Variants in TCF7L2 observed in about 807,000 individuals in gnomAD.
The protein encoded by TCF7L2 is transcription factor 7 like 2, also known as transcription factor 7-like 2.
Under a neutral mutation model 77.9 loss-of-function variants are expected in TCF7L2, and 23 were observed. The ratio of observed to expected loss-of-function variants is 0.30; its 90% CI spans 0.21 to 0.42. The LOEUF (loss-of-function observed/expected upper bound fraction) is 0.42, where lower values mean the gene tolerates loss of function less well. Among genes scored for constraint, TCF7L2 ranks in the 10% least tolerant of loss-of-function variants. The probability of loss-of-function intolerance (pLI) is 1.00; values close to 1 mark genes in which losing one functional copy is unlikely to be tolerated. For missense variants in TCF7L2, 654 were observed against 793.1 expected (o/e 0.82, Z 2.11); for synonymous variants, 413 against 340.2 (o/e 1.21, Z -2.36).
chr10:112,998,689 A>G (rs2043939688), intron 4 of TCF7L2, among the ~76,000 whole-genome samples: 1 of 152,208 alleles, frequency 6.6e-6, no homozygotes, highest in Admixed American at 6.5e-5. Flanking sequence ...GATAACTAGG[A>G]AAAGGTTAGA....
chr10:113,130,091 T>C, intron 5 of TCF7L2: 1 of 881,294 alleles, frequency 1.1e-6, no homozygotes, highest in Non-Finnish European at 1.4e-6. Flanking sequence ...CCCCCCTTAA[T>C]TTAGATCATG....
At chr10:113,128,286 A>G (rs1280007079) in intron 5 of TCF7L2, among the ~76,000 whole-genome samples, 1 of 151,902 alleles carries the variant, frequency 6.6e-6, no homozygotes, top group Non-Finnish European at 1.5e-5. Context: ...ATTTTAAAAA[A>G]GAAGAAAAGA....
At chr10:113,090,036 C>T (rs1187609616) in intron 5 of TCF7L2, among the ~76,000 whole-genome samples, 1 of 152,192 alleles carries the variant, frequency 6.6e-6, no homozygotes, top group Non-Finnish European at 1.5e-5. Flanking sequence ...CCTGAGGCAG[C>T]CGTGAATGGC....
intron 5 of TCF7L2, among the ~76,000 whole-genome samples, chr10:113,059,744 A>G (rs963494473): frequency 6.6e-6 from 1 of 152,204 alleles, no homozygotes; most frequent in Non-Finnish European, 1.5e-5. Flanking sequence ...TTTACTGCCC[A>G]AAGCTGGCTC....
At position 113,108,993 on chromosome 10, in the gene TCF7L2, A is replaced by G. The variant is rs147813592; in HGVS notation, c.553-32191A>G. Among the ~76,000 whole-genome samples, 130 of 152,322 alleles carry G rather than the reference A, an allele frequency of 8.5e-4. 1 individual carries two copies. Among genetic ancestry groups the G allele is most frequent in the Middle Eastern group, 3.4e-3 (1 of 294 alleles). ...AGGCTATTGAGGGTTTATCTGTACTAATTGTACCACCATACCTGCCAACTG... is the reference window on the plus strand; with the variant it reads ...AGGCTATTGAGGGTTTATCTGTACTGATTGTACCACCATACCTGCCAACTG... On this transcript the variant is annotated intron_variant, in intron 5 of 13. Coordinates refer to ENST00000627217, the MANE Select transcript of TCF7L2 (RefSeq NM_001146274.2).
chr10:113,085,400 A>C (rs370975247), intron 5 of TCF7L2, among the ~76,000 whole-genome samples: 1 of 151,734 alleles, frequency 6.6e-6, no homozygotes, highest in Non-Finnish European at 1.5e-5. Context: ...CAAAATTCTC[A>C]TCTCTGGAGG....
At chr10:113,098,230 C>CT (rs1473350958) in intron 5 of TCF7L2, among the ~76,000 whole-genome samples, 1 of 151,862 alleles carries the variant, frequency 6.6e-6, no homozygotes, top group Non-Finnish European at 1.5e-5. Flanking sequence ...CTTCTTGGAC[C>CT]TTTCCTGTTT....
At chr10:113,132,548 G>A (rs2136564772) in intron 5 of TCF7L2, among the ~76,000 whole-genome samples, 1 of 152,220 alleles carries the variant, frequency 6.6e-6, no homozygotes, top group South Asian at 2.1e-4. Context: ...GGTGGCGAGG[G>A]GGTGGTCTGG....
chr10:113,069,882 G>A (rs1473479287), intron 5 of TCF7L2, among the ~76,000 whole-genome samples: 5 of 152,122 alleles, frequency 3.3e-5, no homozygotes, highest in Non-Finnish European at 7.3e-5. Flanking sequence ...TTTGGTGAGC[G>A]TAAGATAGCG....
chr10:113,059,270 C>T (rs935350285), intron 5 of TCF7L2, among the ~76,000 whole-genome samples: 11 of 152,168 alleles, frequency 7.2e-5, no homozygotes, highest in Non-Finnish European at 1.2e-4. Context: ...CATATCATTT[C>T]AGAGGAATAT....
intron 5 of TCF7L2, among the ~76,000 whole-genome samples, chr10:113,061,569 G>A (rs752044120): frequency 6.6e-6 from 1 of 152,184 alleles, no homozygotes; most frequent in African/African-American, 2.4e-5. Context: ...AAAGGGTGCA[G>A]ATCACACAAA....
At chr10:113,037,319 A>G (rs142183094) in intron 4 of TCF7L2, among the ~76,000 whole-genome samples, 2,115 of 152,192 alleles carry the variant, frequency 0.014, 27 homozygotes, top group Non-Finnish European at 0.021. Flanking sequence ...TTGCACTGGG[A>G]AGGAGAGTTT....
intron 5 of TCF7L2, among the ~76,000 whole-genome samples, chr10:113,083,767 C>A (rs1047439560): frequency 6.6e-6 from 1 of 152,126 alleles, no homozygotes; most frequent in Non-Finnish European, 1.5e-5. Context: ...CAGTTCAGTA[C>A]TTTGCTTTTT....
Position 113,118,221 on chromosome 10 carries a change from G to A in TCF7L2, c.553-22963G>A, listed in dbSNP as rs558400831. Among the ~76,000 whole-genome samples, 107 of 152,070 alleles carry A rather than the reference G, an allele frequency of 7.0e-4. 1 individual carries two copies. The highest frequency in any genetic ancestry group is 2.5e-3 in the African/African-American group (104 of 41,460). ...AGAAAAAGTCAATTAAAAGCAAATG[G>A]GTGATAATTAGGTGAAGCACATTGG... On this transcript the variant is annotated intron_variant, in intron 5 of 13. Coordinates refer to ENST00000627217, the MANE Select transcript of TCF7L2 (RefSeq NM_001146274.2).
chr10:113,013,247 T>C (rs1470069889), intron 4 of TCF7L2, among the ~76,000 whole-genome samples: 1 of 149,388 alleles, frequency 6.7e-6, no homozygotes, highest in Non-Finnish European at 1.5e-5. Flanking sequence ...GCCTCCTGAA[T>C]AGCTGGGACT....
In TCF7L2 at chr10:113,151,913, G is replaced by C. The variant is rs3902056; in HGVS notation, c.1161+29G>C. The C allele has an allele frequency of 2.1e-5, 33 of 1,579,136 alleles. No individual in the cohort carries two copies. The highest frequency in any genetic ancestry group is 2.6e-5 in the Non-Finnish European group (30 of 1,167,724). On this transcript the variant is annotated intron_variant, in intron 10 of 13. Transcript: ENST00000627217. This position sits in a 1 kb window ranked among gnomAD's most constrained non-coding sequence, Gnocchi z 5.2. ...GGTGACGCCCTTCTCAGGGAGAAGC[G>C]GGGGGCGGGTGGTGAGGGACCAGAG...
chr10:113,152,267 G>C, intron 10 of TCF7L2, 66 bp from the exon 11 acceptor site: 1 of 1,372,796 alleles, frequency 7.3e-7, no homozygotes, highest in East Asian at 2.3e-5. Context: ...GGCGTAATGT[G>C]TGATGTTCTT....
intron 5 of TCF7L2, among the ~76,000 whole-genome samples, chr10:113,047,937 G>A (rs1485089808): frequency 2.0e-5 from 3 of 152,086 alleles, no homozygotes; most frequent in Non-Finnish European, 4.4e-5. Flanking sequence ...CATTTGTTTC[G>A]CTGAATGTTA....
intron 4 of TCF7L2, among the ~76,000 whole-genome samples, chr10:113,006,451 C>T (rs747108243): frequency 1.3e-5 from 2 of 151,980 alleles, no homozygotes; most frequent in Non-Finnish European, 2.9e-5. Context: ...TTCTTCCTTT[C>T]CTCCCCTATT....
Sources: allele counts gnomAD v4.1 joint callset (sites outside exome capture counted in the v4.1 genomes callset), GRCh38; gene constraint gnomAD v4.1.1; non-coding constraint Gnocchi (gnomAD v3.1); transcripts MANE v1.5; gene names NCBI Gene and HGNC (gene_info 2026-07-23, HGNC 2026-07-21).